The following SRGAP2 variants were observed in gnomAD, a reference collection of about 807,000 sequenced individuals.
SRGAP2 encodes SLIT-ROBO Rho GTPase-activating protein 2.
A neutral mutation model predicts 57.2 loss-of-function variants in SRGAP2; 15 were observed. That is an observed-to-expected ratio of 0.26 (90% CI 0.18 to 0.40). SRGAP2 has a LOEUF of 0.40. Ranked by LOEUF, SRGAP2 falls within the 10% of genes least tolerant of loss-of-function variation. The pLI is 1.00. For synonymous variants in SRGAP2, 249 were observed against 248.0 expected, an observed-to-expected ratio of 1.00 and a Z score of -0.04; for missense variants, 520 against 669.6, an observed-to-expected ratio of 0.78 and a Z score of 2.47.
At chr1:206,383,451 TC>T (rs1655897564) in intron 4 of SRGAP2, among the ~76,000 whole-genome samples, 1 of 152,010 alleles carries the variant, frequency 6.6e-6, no homozygotes, top group Non-Finnish European at 1.5e-5. Flanking sequence ...ATTTTCAGCA[TC>T]TAGTAACAGC....
At chr1:206,448,629 G>A (rs182062214) in intron 18 of SRGAP2, among the ~76,000 whole-genome samples, 1 of 152,028 alleles carries the variant, frequency 6.6e-6, no homozygotes, top group Non-Finnish European at 1.5e-5. Flanking sequence ...TCTGAAGATG[G>A]GGCGCTGTTT....
At chr1:206,284,430 G>GT (rs1670903894) in intron 2 of SRGAP2, among the ~76,000 whole-genome samples, 4 of 150,738 alleles carry the variant, frequency 2.7e-5, no homozygotes, top group Admixed American at 2.6e-4. Flanking sequence ...CTTGTTGTTG[G>GT]TTTTTTTGTT....
chr1:206,268,386 C>T (rs1342288438), intron 2 of SRGAP2, among the ~76,000 whole-genome samples: 15 of 150,198 alleles, frequency 1.0e-4, no homozygotes, highest in African/African-American at 3.4e-4. Context: ...TGGTTTCATC[C>T]ATGTCCCTAC....
chr1:206,284,144 G>C (rs1225911546), intron 2 of SRGAP2, among the ~76,000 whole-genome samples: 5 of 150,262 alleles, frequency 3.3e-5, no homozygotes, highest in Non-Finnish European at 5.9e-5. Context: ...GTTTCTACAT[G>C]GTAGCGGTTA....
chr1:206,311,992 A>G (rs1672679773), intron 3 of SRGAP2, among the ~76,000 whole-genome samples: 1 of 152,098 alleles, frequency 6.6e-6, no homozygotes, highest in South Asian at 2.1e-4. Context: ...CTGGAGTGAC[A>G]ATAGTACTGT....
intron 2 of SRGAP2, among the ~76,000 whole-genome samples, chr1:206,277,053 C>T (rs1234232593): frequency 2.6e-5 from 4 of 152,012 alleles, no homozygotes; most frequent in Non-Finnish European, 4.4e-5. Context: ...CAACCTCTCC[C>T]TCCTGGGTTC....
chr1:206,349,730 CAG>C (rs1458744392), intron 4 of SRGAP2, among the ~76,000 whole-genome samples: 10 of 123,308 alleles, frequency 8.1e-5, no homozygotes, highest in South Asian at 3.3e-4. Flanking sequence ...CAGAGGGAAA[CAG>C]AGTCATAGAG....
intron 11 of SRGAP2, among the ~76,000 whole-genome samples, chr1:206,417,292 T>C (rs9943165): frequency 0.098 from 14,908 of 151,804 alleles, 1,579 homozygotes; most frequent in African/African-American, 0.27. Context: ...TCAGTTGAGA[T>C]GGGGTTTTGC....
At chr1:206,458,330 C>T (rs1664003460) in intron 21 of SRGAP2, 1 of 583,330 alleles carries the variant, frequency 1.7e-6, no homozygotes, top group Non-Finnish European at 3.3e-6. Flanking sequence ...AATCTCTTTC[C>T]CATTAGAAAC....
At chr1:206,263,165 T>C (rs1553313970) in intron 2 of SRGAP2, among the ~76,000 whole-genome samples, 1 of 144,916 alleles carries the variant, frequency 6.9e-6, no homozygotes, top group African/African-American at 2.6e-5. Flanking sequence ...CATTGTTAGT[T>C]TGTCTGCTTG....
chr1:206,230,129 G>C (rs374978055), intron 2 of SRGAP2, among the ~76,000 whole-genome samples: 1 of 152,138 alleles, frequency 6.6e-6, no homozygotes, highest in Admixed American at 6.5e-5. Context: ...ATCAATTGCC[G>C]TGCAGATTGA....
intron 3 of SRGAP2, among the ~76,000 whole-genome samples, chr1:206,307,910 G>T (rs1371645221): frequency 2.6e-5 from 4 of 151,756 alleles, no homozygotes; most frequent in African/African-American, 7.3e-5. Context: ...CACAGTGCAG[G>T]GGGGGGTGCT....
intron 13 of SRGAP2, among the ~76,000 whole-genome samples, chr1:206,429,917 A>G (rs1324157889): frequency 3.9e-5 from 6 of 152,158 alleles, no homozygotes; most frequent in African/African-American, 1.4e-4. Context: ...AGGTGGTGAG[A>G]AACTGGTTTG....
intron 4 of SRGAP2, among the ~76,000 whole-genome samples, chr1:206,360,008 G>A (rs1363330354): frequency 5.3e-5 from 8 of 151,076 alleles, no homozygotes; most frequent in African/African-American, 1.2e-4. Context: ...GGGTTTCACC[G>A]TTTTAGCCAG....
chr1:206,266,015 ATGTT>A (rs1669820156), intron 2 of SRGAP2, among the ~76,000 whole-genome samples: 1 of 151,906 alleles, frequency 6.6e-6, no homozygotes. Context: ...GAATCTAAGA[ATGTT>A]TGAGCTGGAA....
chr1:206,223,881 TG>T (rs1471032812), intron 2 of SRGAP2, among the ~76,000 whole-genome samples: 1 of 19,028 alleles, frequency 5.3e-5, no homozygotes, highest in Non-Finnish European at 1.2e-4. Flanking sequence ...TACATATTTG[TG>T]GGCAAGATGA....
intron 3 of SRGAP2, among the ~76,000 whole-genome samples, chr1:206,342,250 T>A (rs1675255985): frequency 6.6e-6 from 1 of 152,166 alleles, no homozygotes; most frequent in Non-Finnish European, 1.5e-5. Context: ...TTTGTGGGGA[T>A]TTTGTAGTGC....
At chr1:206,340,981 C>CT (rs1403387943) in intron 3 of SRGAP2, among the ~76,000 whole-genome samples, 2 of 152,070 alleles carry the variant, frequency 1.3e-5, no homozygotes, top group Non-Finnish European at 2.9e-5. Context: ...AGAGTGATGC[C>CT]TGGGGCAGGG....
intron 18 of SRGAP2, among the ~76,000 whole-genome samples, chr1:206,448,943 T>C (rs10779631): frequency 0.57 from 86,930 of 152,000 alleles, 25,782 homozygotes; most frequent in East Asian, 0.73. Flanking sequence ...CTACACAGGA[T>C]GAGTTCTGAA....
Sources: gnomAD v4.1 joint callset for allele counts (sites outside exome capture counted in the v4.1 genomes callset) on GRCh38, gnomAD v4.1.1 for gene constraint, MANE v1.5 for transcripts, NCBI Gene and HGNC (gene_info 2026-07-23, HGNC 2026-07-21) for gene names.